Variants in MYH10 observed in about 807,000 individuals in gnomAD.
The protein encoded by MYH10 is myosin-10.
Under a neutral mutation model 257.8 loss-of-function variants are expected in MYH10, and 55 were observed. The observed-to-expected ratio is 0.21, with a 90% CI of 0.17 to 0.27. MYH10 has a LOEUF of 0.27. Among genes scored for constraint, MYH10 ranks in the 10% least tolerant of loss-of-function variants. The pLI is 1.00. For missense variants in MYH10, 1,631 were observed against 2,500.6 expected, an observed-to-expected ratio of 0.65 and a Z score of 7.42; for synonymous variants, 854 against 921.7, an observed-to-expected ratio of 0.93 and a Z score of 1.33.
rs976001538 is a variant in MYH10, at chr17:8,569,357, C to T, written c.756+363G>A. 2.4e-4 allele frequency among the ~76,000 whole-genome samples: 37 copies of T among 152,116 alleles called. No individual in the cohort carries two copies. Among genetic ancestry groups the T allele is most frequent in the African/African-American group, 8.0e-4 (33 of 41,424 alleles). The stretch of plus-strand genomic sequence containing the variant: ...GTTGAATGTTTACTATGCATAGTGC[C>T]GGGCTAAGTGCTCAGCGTGCACACC... On this transcript the variant is annotated intron_variant, in intron 7 of 42. Coordinates refer to ENST00000360416, the MANE Select transcript of MYH10 (RefSeq NM_001256012.3). The surrounding 1 kb of genome is among the most constrained non-coding windows in gnomAD (Gnocchi z 4.1).
At chr17:8,588,647 T>C (rs972468147) in intron 4 of MYH10, among the ~76,000 whole-genome samples, 2 of 152,154 alleles carry the variant, frequency 1.3e-5, no homozygotes, top group African/African-American at 4.8e-5. Flanking sequence ...CTCCACTCCA[T>C]TTTCCACACT....
intron 37 of MYH10, among the ~76,000 whole-genome samples, chr17:8,483,452 T>G (rs76845259): frequency 0.018 from 2,741 of 152,278 alleles, 48 homozygotes; most frequent in East Asian, 0.11. Flanking sequence ...TAGAGAGCCG[T>G]CCTCCTTTCT....
At position 8,535,244 on chromosome 17, in the gene MYH10, A is replaced by G. The variant is rs1233044887; in HGVS notation, c.1894+143T>C. ...ATTGTTAAAACGGATAAATTCCGAT[A>G]TAACGGCAGCCCTGCTCTAGGGAAA... is the stretch of plus-strand genomic sequence containing the variant. On this transcript the variant is annotated intron_variant, in intron 16 of 42. Coordinates refer to ENST00000360416, the MANE Select transcript of MYH10 (RefSeq NM_001256012.3). This position sits in a 1 kb window ranked among gnomAD's most constrained non-coding sequence, Gnocchi z 4.3. The G allele has an allele frequency of 3.5e-6, 2 of 573,202 alleles. No homozygotes were observed. Among genetic ancestry groups the G allele is most frequent in the East Asian group, 2.8e-5 (1 of 35,292 alleles). The allele number at this position is 573,202 out of a possible 1,614,324, so 35.5% of individuals were successfully genotyped here. A position where few individuals can be genotyped will look rare whatever the true frequency, so the allele number is the denominator to read the frequency against.
rs758474555 is a variant in MYH10, at chr17:8,475,769, T to TC, written c.*34dup. On this transcript the variant is annotated 3_prime_UTR_variant, in exon 43 of 43. Transcript: ENST00000360416. ...GAGGCCCCGGGTGCATTCCTAACTG[T>TC]CCCACTGTATTGCCTCCTCTGGCTT... 6.2e-7 allele frequency: 1 copy of TC among 1,606,522 alleles called. No individual in the cohort carries two copies. The highest frequency in any genetic ancestry group is 8.5e-7 in the Non-Finnish European group (1 of 1,175,204).
intron 21 of MYH10, among the ~76,000 whole-genome samples, chr17:8,518,199 C>T (rs1045842485): frequency 1.4e-5 from 2 of 147,456 alleles, no homozygotes; most frequent in Non-Finnish European, 3.0e-5. Context: ...GTGGTACCAT[C>T]TTGGCTTATT....
In MYH10 at chr17:8,548,809, G is replaced by A. The variant is rs1359277588; in HGVS notation, c.920-22C>T. The A allele has an allele frequency of 9.4e-6, 15 of 1,591,154 alleles. No individual in the cohort carries two copies. The South Asian group carries it at 1.5e-4, about 16-fold the overall frequency. On this transcript the variant is annotated intron_variant, in intron 9 of 42. Transcript: ENST00000360416. ...TCAGCTAAAAGGAAATATAATGGAA[G>A]AAAATTTGATAAATACTCATGAAGA...
chr17:8,614,846 A>T (rs1011195466), intron 2 of MYH10, among the ~76,000 whole-genome samples: 10 of 152,232 alleles, frequency 6.6e-5, no homozygotes, highest in South Asian at 2.1e-4. Context: ...CACTCATTTT[A>T]AAAAAGGGTA....
At chr17:8,629,361 C>G (rs1214974236) in intron 1 of MYH10, among the ~76,000 whole-genome samples, 8 of 150,352 alleles carry the variant, frequency 5.3e-5, no homozygotes, top group Non-Finnish European at 1.0e-4. Context: ...CACCCCACCC[C>G]CTTCCATCCA....
intron 31 of MYH10, 105 bp from the exon 32 acceptor site, chr17:8,493,990 A>C: frequency 1.6e-6 from 2 of 1,285,044 alleles, no homozygotes; most frequent in Non-Finnish European, 2.1e-6. Context: ...GCCTCAATGC[A>C]TGAGAACGCC....
intron 29 of MYH10, among the ~76,000 whole-genome samples, 186 bp from the exon 30 acceptor site, chr17:8,499,662 C>T (rs1339056053): frequency 2.0e-5 from 3 of 152,138 alleles, no homozygotes; most frequent in Admixed American, 6.5e-5. Context: ...GGAACACACG[C>T]GTACACACTG....
rs1485188281 is a variant in MYH10, at chr17:8,518,799, A to G, written c.2344-8T>C. On this transcript the variant is annotated splice_region_variant and splice_polypyrimidine_tract_variant and intron_variant, in intron 20 of 42. Coordinates refer to ENST00000360416, the MANE Select transcript of MYH10 (RefSeq NM_001256012.3). Reference sequence around the variant, plus strand: ...CAATTCTAAAGCCCGGATCTAAGAGAGAAAGAGTTTATTTACTTTTTTTAA... The same window carrying G: ...CAATTCTAAAGCCCGGATCTAAGAGGGAAAGAGTTTATTTACTTTTTTTAA... 1.2e-6 allele frequency: 2 copies of G among 1,606,676 alleles called. No individual in the cohort carries two copies. The highest frequency in any genetic ancestry group is 1.7e-6 in the Non-Finnish European group (2 of 1,178,022).
At chr17:8,565,480 C>T (rs983259571) in intron 7 of MYH10, among the ~76,000 whole-genome samples, 2 of 151,972 alleles carry the variant, frequency 1.3e-5, no homozygotes, top group South Asian at 2.1e-4. Flanking sequence ...CAGTAGATAG[C>T]AATAAACTAT....
At chr17:8,478,173 T>C in intron 41 of MYH10, 165 bp downstream of exon 41, 1 of 627,816 alleles carries the variant, frequency 1.6e-6, no homozygotes, top group Non-Finnish European at 2.8e-6. Flanking sequence ...CGCCCTCCTG[T>C]GTCTCGGGTA....
intron 30 of MYH10, 122 bp from the exon 31 acceptor site, chr17:8,495,363 T>A: frequency 1.5e-6 from 1 of 648,088 alleles, no homozygotes; most frequent in Non-Finnish European, 2.7e-6. Context: ...AAACTACCCA[T>A]TCAGTTAAGG....
chr17:8,481,502 C>T, intron 37 of MYH10, 92 bp from the exon 38 acceptor site: 1 of 1,114,846 alleles, frequency 9.0e-7, no homozygotes. Context: ...GACCTTGCTC[C>T]TGTCACTGTT....
chr17:8,491,368 T>C (rs1915753355), intron 34 of MYH10, among the ~76,000 whole-genome samples: 1 of 152,228 alleles, frequency 6.6e-6, no homozygotes, highest in African/African-American at 2.4e-5. Flanking sequence ...CACATTTCAC[T>C]GTGTAACCAT....
chr17:8,590,608 G>A (rs2084092315), intron 3 of MYH10, among the ~76,000 whole-genome samples: 1 of 152,082 alleles, frequency 6.6e-6, no homozygotes, highest in South Asian at 2.1e-4. Context: ...CATGGCACCC[G>A]GCCCTAATTT....
chr17:8,478,118 G>T (rs1255575737), intron 41 of MYH10, among the ~76,000 whole-genome samples: 1 of 152,206 alleles, frequency 6.6e-6, no homozygotes, highest in African/African-American at 2.4e-5. Flanking sequence ...GAGCTTTACA[G>T]TTCAGTCCAG....
At chr17:8,613,323 G>A (rs1447728978) in intron 2 of MYH10, among the ~76,000 whole-genome samples, 4 of 151,696 alleles carry the variant, frequency 2.6e-5, no homozygotes, top group East Asian at 1.9e-4. Context: ...TAAAAGATGT[G>A]GAAAAAAAAG....
Sources: gnomAD v4.1 joint callset for allele counts (sites outside exome capture counted in the v4.1 genomes callset) on GRCh38, gnomAD v4.1.1 for gene constraint, Gnocchi (gnomAD v3.1) non-coding constraint, MANE v1.5 for transcripts, NCBI Gene and HGNC (gene_info 2026-07-23, HGNC 2026-07-21) for gene names.